Variants in CSMD1 observed in about 807,000 individuals in gnomAD.
The protein encoded by CSMD1 is CUB and Sushi multiple domains 1, also known as CUB and sushi domain-containing protein 1.
Under a neutral mutation model 417.5 loss-of-function variants are expected in CSMD1, and 213 were observed. That is an observed-to-expected ratio of 0.51 (90% confidence interval 0.46 to 0.57). CSMD1 has a LOEUF of 0.57. CSMD1 is among the 20% of genes least tolerant of loss of function. CSMD1 has a pLI of 0.00. For missense variants in CSMD1, 6,923 were observed against 4,529.7 expected, an observed-to-expected ratio of 1.53 and a Z score of -15.17; for synonymous variants, 2,862 against 1,736.8, an observed-to-expected ratio of 1.65 and a Z score of -16.11.
At chr8:3,155,589 G>C (rs181631527) in intron 39 of CSMD1, among the ~76,000 whole-genome samples, 1 of 151,290 alleles carries the variant, frequency 6.6e-6, no homozygotes, top group African/African-American at 2.4e-5. Flanking sequence ...GGATGGTCTC[G>C]ATCTCCTGAC....
intron 5 of CSMD1, among the ~76,000 whole-genome samples, chr8:3,777,705 C>T (rs1177639798): frequency 2.0e-5 from 3 of 152,150 alleles, no homozygotes; most frequent in African/African-American, 7.2e-5. Context: ...CTGCGGCCTC[C>T]TTCAGATGCA....
intron 3 of CSMD1, among the ~76,000 whole-genome samples, chr8:4,417,248 G>A (rs143743412): frequency 1.1e-4 from 17 of 152,092 alleles, no homozygotes; most frequent in Admixed American, 1.0e-3. Context: ...GACTGAACAC[G>A]TTGATTACAC....
At chr8:4,464,412 T>C (rs1456541015) in intron 2 of CSMD1, among the ~76,000 whole-genome samples, 4 of 152,204 alleles carry the variant, frequency 2.6e-5, no homozygotes, top group Non-Finnish European at 4.4e-5. Flanking sequence ...CATTGTAGCT[T>C]AGCCTTGCCT....
At chr8:3,481,109 T>G (rs187330589) in intron 11 of CSMD1, among the ~76,000 whole-genome samples, 1 of 141,058 alleles carries the variant, frequency 7.1e-6, no homozygotes, top group East Asian at 2.1e-4. Flanking sequence ...TGAGCCCAGA[T>G]TAGCCACTGC....
At chr8:4,181,868 G>C (rs1798396012) in intron 3 of CSMD1, among the ~76,000 whole-genome samples, 1 of 152,070 alleles carries the variant, frequency 6.6e-6, no homozygotes, top group Non-Finnish European at 1.5e-5. Flanking sequence ...CTTTAGCCTA[G>C]TTGATTATAA....
chr8:2,951,286 G>A lies in CSMD1; in HGVS notation c.10040-11C>T, dbSNP rs61695947. 9.7e-4 allele frequency: 1,553 copies of A among 1,594,070 alleles called. 13 individuals carry two copies. The African/African-American group carries it at 0.018, about 19-fold the overall frequency. On this transcript the variant is annotated splice_polypyrimidine_tract_variant and intron_variant, in intron 65 of 69. Coordinates refer to ENST00000635120, the MANE Select transcript of CSMD1 (RefSeq NM_033225.6). ...AGACATCTGAAGGAACTGTGGGAAG[G>A]GGGGAAACAGACCAATGTCAGCACA...
chr8:4,653,254 G>A (rs1230234980), intron 1 of CSMD1, among the ~76,000 whole-genome samples: 3 of 152,110 alleles, frequency 2.0e-5, no homozygotes, highest in African/African-American at 4.8e-5. Flanking sequence ...CTCCTATAAA[G>A]GAGTGATTGG....
chr8:3,411,154 C>G (rs1812674777), intron 12 of CSMD1, among the ~76,000 whole-genome samples: 1 of 152,144 alleles, frequency 6.6e-6, no homozygotes, highest in Non-Finnish European at 1.5e-5. Context: ...TGACTACAGA[C>G]TTAAAAGATC....
chr8:4,009,023 G>C (rs1217258387), intron 4 of CSMD1, among the ~76,000 whole-genome samples: 2 of 152,220 alleles, frequency 1.3e-5, no homozygotes, highest in East Asian at 1.9e-4. Flanking sequence ...ATTTCCATCA[G>C]AGTAATTATT....
chr8:3,180,200 A>G (rs1444958716), intron 37 of CSMD1, among the ~76,000 whole-genome samples: 1 of 152,208 alleles, frequency 6.6e-6, no homozygotes, highest in Non-Finnish European at 1.5e-5. Flanking sequence ...TTACCTGCAT[A>G]ATCAAACGCC....
At chr8:3,771,743 G>T (rs933576403) in intron 5 of CSMD1, among the ~76,000 whole-genome samples, 1 of 152,172 alleles carries the variant, frequency 6.6e-6, no homozygotes, top group African/African-American at 2.4e-5. Flanking sequence ...GACATTGACT[G>T]TGTGTGTTCA....
At chr8:4,006,649 C>A (rs1003221081) in intron 4 of CSMD1, among the ~76,000 whole-genome samples, 1 of 152,156 alleles carries the variant, frequency 6.6e-6, no homozygotes, top group Non-Finnish European at 1.5e-5. Flanking sequence ...GAGGGAACAG[C>A]ACTTGTTTAT....
At chr8:3,691,197 T>G (rs906114799) in intron 7 of CSMD1, among the ~76,000 whole-genome samples, 2 of 151,770 alleles carry the variant, frequency 1.3e-5, no homozygotes, top group East Asian at 1.9e-4. Context: ...TGAAACCACG[T>G]CTCTACAAAA....
chr8:3,312,629 C>T (rs181795927), intron 23 of CSMD1, among the ~76,000 whole-genome samples: 1 of 152,288 alleles, frequency 6.6e-6, no homozygotes, highest in Non-Finnish European at 1.5e-5. Flanking sequence ...ATTGGAATCA[C>T]AGCCATCAAT....
intron 1 of CSMD1, among the ~76,000 whole-genome samples, chr8:4,765,398 G>C (rs1812398771): frequency 6.6e-6 from 1 of 152,072 alleles, no homozygotes; most frequent in Non-Finnish European, 1.5e-5. Context: ...AATACATTGA[G>C]GATTATAGTC....
In CSMD1 at chr8:4,549,001, T is replaced by G. The variant is rs1454746739; in HGVS notation, c.302+88341A>C. Among the ~76,000 whole-genome samples the G allele has an allele frequency of 3.9e-5, 6 of 152,216 alleles. No individual in the cohort carries two copies. The South Asian group carries it at 1.0e-3, about 26-fold the overall frequency. ...GCAATTGTATTTTTTTATTTCCAAG[T>G]TTATCAGATTATGAGTAATTAAGTA... On this transcript the variant is annotated intron_variant, in intron 2 of 69. Transcript: ENST00000635120.
At chr8:4,960,752 G>A (rs1386198847) in intron 1 of CSMD1, among the ~76,000 whole-genome samples, 1 of 152,026 alleles carries the variant, frequency 6.6e-6, no homozygotes, top group Admixed American at 6.6e-5. Context: ...TCCTTTATAA[G>A]GGTACACAAG....
At chr8:4,371,274 G>C (rs755459938) in intron 3 of CSMD1, among the ~76,000 whole-genome samples, 11 of 152,268 alleles carry the variant, frequency 7.2e-5, no homozygotes, top group East Asian at 5.8e-4. Flanking sequence ...AGTCCCTTGA[G>C]GATGCGCCTC....
At chr8:3,286,603 T>C (rs1326632183) in intron 25 of CSMD1, among the ~76,000 whole-genome samples, 6 of 151,976 alleles carry the variant, frequency 3.9e-5, no homozygotes, top group Non-Finnish European at 8.8e-5. Flanking sequence ...TTTCATATGT[T>C]TTTTGGCTGC....
Sources: gnomAD v4.1 joint callset for allele counts (sites outside exome capture counted in the v4.1 genomes callset) on GRCh38, gnomAD v4.1.1 for gene constraint, MANE v1.5 for transcripts, NCBI Gene and HGNC (gene_info 2026-07-23, HGNC 2026-07-21) for gene names.